The following PSMA1 variants were observed in gnomAD, a reference collection of about 807,000 sequenced individuals.
PSMA1 encodes the protein proteasome 20S subunit alpha 1.
In PSMA1, 3 loss-of-function variants were observed where a neutral mutation model predicts 38.4. The observed-to-expected ratio is 0.08, with a 90% confidence interval of 0.04 to 0.20. The LOEUF is 0.20. Ranked by LOEUF, PSMA1 falls within the 10% of genes least tolerant of loss-of-function variation. PSMA1 has a pLI of 1.00. For synonymous variants in PSMA1, 101 were observed against 107.1 expected (o/e 0.94, Z 0.35); for missense variants, 227 against 325.3 (o/e 0.70, Z 2.32).
intron 2 of PSMA1, among the ~76,000 whole-genome samples, chr11:14,579,389 T>C (rs558807918): frequency 1.3e-4 from 20 of 152,314 alleles, no homozygotes; most frequent in African/African-American, 4.3e-4. Context: ...CTTTGTCTTT[T>C]ACTCTTCTGT....
intron 2 of PSMA1, among the ~76,000 whole-genome samples, chr11:14,561,054 A>G (rs1852002106): frequency 1.3e-5 from 2 of 152,242 alleles, no homozygotes; most frequent in Admixed American, 1.3e-4. Flanking sequence ...ATATTTTAAT[A>G]TGTATCACAA....
intron 1 of PSMA1, among the ~76,000 whole-genome samples, chr11:14,617,474 GT>G (rs1377381488): frequency 1.3e-5 from 2 of 152,020 alleles, no homozygotes; most frequent in African/African-American, 4.8e-5. Context: ...CTGGCACAGG[GT>G]AAGCACTCAA....
chr11:14,583,210 T>G (rs546020013), intron 2 of PSMA1, among the ~76,000 whole-genome samples: 180 of 152,352 alleles, frequency 1.2e-3, no homozygotes, highest in Non-Finnish European at 2.1e-3. Flanking sequence ...TCTTCCTCTT[T>G]GTTTTCCTCC....
At chr11:14,553,474 T>G (rs1851909454) in intron 2 of PSMA1, among the ~76,000 whole-genome samples, 1 of 152,206 alleles carries the variant, frequency 6.6e-6, no homozygotes, top group South Asian at 2.1e-4. Flanking sequence ...TGGTCACACC[T>G]GTACTGCCCC....
Position 14,628,192 on chromosome 11 carries a change from GT to G in PSMA1, c.-166+15262del, listed in dbSNP as rs1852941473. Among the ~76,000 whole-genome samples the G allele has an allele frequency of 7.2e-5, 11 of 151,906 alleles. No homozygotes were observed. The South Asian group carries it at 2.3e-3, about 32-fold the overall frequency. On this transcript the variant is annotated intron_variant, in intron 1 of 10. Coordinates refer to the PSMA1 transcript ENST00000418988. ...TTCTTTTTTTTTTATTATACTTTAA[GT>G]TTTAGGGTACACGTGCACATTGTGC...
chr11:14,606,293 G>A (rs1446818551), intron 2 of PSMA1, among the ~76,000 whole-genome samples: 2 of 152,108 alleles, frequency 1.3e-5, no homozygotes, highest in Admixed American at 1.3e-4. Context: ...AGTATAGTCT[G>A]AAGTTGGGAA....
At chr11:14,613,417 A>G (rs958118185) in intron 1 of PSMA1, among the ~76,000 whole-genome samples, 1 of 151,286 alleles carries the variant, frequency 6.6e-6, no homozygotes, top group Non-Finnish European at 1.5e-5. Flanking sequence ...ATGCCCAGCT[A>G]AATTTTTTGT....
At chr11:14,635,584 T>G (rs1853104648) in intron 1 of PSMA1, among the ~76,000 whole-genome samples, 1 of 152,238 alleles carries the variant, frequency 6.6e-6, no homozygotes, top group Non-Finnish European at 1.5e-5. Context: ...TTGCTTTTCA[T>G]TAGTAGATCT....
intron 2 of PSMA1, among the ~76,000 whole-genome samples, chr11:14,548,581 G>C (rs1299465300): frequency 6.6e-6 from 1 of 152,174 alleles, no homozygotes; most frequent in East Asian, 1.9e-4. Context: ...TTGGCAGCTT[G>C]AAACTGGCCA....
chr11:14,532,022 T>C (rs1324087369), intron 2 of PSMA1, among the ~76,000 whole-genome samples: 1 of 152,150 alleles, frequency 6.6e-6, no homozygotes, highest in African/African-American at 2.4e-5. Context: ...GTTACCCCTT[T>C]GGAGAGTGCA....
chr11:14,593,676 G>A (rs1000743013), intron 2 of PSMA1, among the ~76,000 whole-genome samples: 12 of 149,568 alleles, frequency 8.0e-5, no homozygotes, highest in African/African-American at 2.7e-4. Context: ...CAGCCCTAAT[G>A]TGTGGTCCTA....
intron 1 of PSMA1, 92 bp downstream of exon 1, chr11:14,520,205 G>A (rs1851505208): frequency 6.3e-7 from 1 of 1,583,858 alleles, no homozygotes; most frequent in Non-Finnish European, 8.7e-7. Flanking sequence ...CGTGGCACCG[G>A]GCGACGCTAA....
intron 2 of PSMA1, among the ~76,000 whole-genome samples, chr11:14,575,460 C>T (rs534683494): frequency 1.3e-5 from 2 of 151,734 alleles, no homozygotes; most frequent in African/African-American, 4.8e-5. Flanking sequence ...CACCCTGTGT[C>T]CATGTGTTCT....
At chr11:14,536,552 A>C (rs954146442) in intron 2 of PSMA1, among the ~76,000 whole-genome samples, 1 of 151,794 alleles carries the variant, frequency 6.6e-6, no homozygotes, top group Non-Finnish European at 1.5e-5. Flanking sequence ...CAGAAAAACA[A>C]ACAAAAAAAC....
intron 2 of PSMA1, among the ~76,000 whole-genome samples, chr11:14,540,387 A>T (rs764905555): frequency 3.3e-5 from 5 of 152,332 alleles, no homozygotes; most frequent in Non-Finnish European, 7.3e-5. Flanking sequence ...TTTAGGAAAC[A>T]TTACGTCCTC....
chr11:14,607,468 A>AT (rs1852656511), intron 2 of PSMA1, among the ~76,000 whole-genome samples: 1 of 152,190 alleles, frequency 6.6e-6, no homozygotes, highest in Admixed American at 6.5e-5. Flanking sequence ...GGCCAGAGTA[A>AT]TACATTAGAT....
chr11:14,557,420 T>G (rs1851952752), intron 2 of PSMA1, among the ~76,000 whole-genome samples: 1 of 152,042 alleles, frequency 6.6e-6, no homozygotes, highest in East Asian at 1.9e-4. Flanking sequence ...ATTTTTGTAT[T>G]TTTAGTAGAA....
chr11:14,590,357 G>T (rs1407721839), intron 2 of PSMA1, among the ~76,000 whole-genome samples: 1 of 152,112 alleles, frequency 6.6e-6, no homozygotes, highest in Non-Finnish European at 1.5e-5. Flanking sequence ...TTTTTTACCA[G>T]AACTTAAAAA....
chr11:14,638,802 C>T (rs900365226), intron 1 of PSMA1, among the ~76,000 whole-genome samples: 2 of 150,480 alleles, frequency 1.3e-5, no homozygotes, highest in African/African-American at 4.9e-5. Flanking sequence ...ACCACAAGTT[C>T]AGTGTCAACG....
Sources: gnomAD v4.1 joint callset for allele counts (sites outside exome capture counted in the v4.1 genomes callset) on GRCh38, gnomAD v4.1.1 for gene constraint, MANE v1.5 for transcripts, NCBI Gene and HGNC (gene_info 2026-07-23, HGNC 2026-07-21) for gene names.